The following SPECC1 variants were observed in gnomAD, a reference collection of about 807,000 sequenced individuals.
SPECC1 encodes the protein sperm antigen with calponin homology and coiled-coil domains 1, also known as cytospin-B.
A neutral mutation model predicts 104.1 loss-of-function variants in SPECC1; 62 were observed. The ratio of observed to expected loss-of-function variants is 0.60; its 90% CI spans 0.49 to 0.74. SPECC1 has a LOEUF of 0.74. Ranked by LOEUF, SPECC1 falls within the 30% of genes least tolerant of loss-of-function variation. The probability of loss-of-function intolerance (pLI) is 0.00; values close to 1 mark genes in which losing one functional copy is unlikely to be tolerated. For synonymous variants in SPECC1, 513 were observed against 501.6 expected (o/e 1.02, Z -0.30); for missense variants, 1,306 against 1,310.5 (o/e 1.00, Z 0.05).
chr17:20,045,635 C>T (rs2045509072), intron 1 of SPECC1, among the ~76,000 whole-genome samples: 1 of 152,160 alleles, frequency 6.6e-6, no homozygotes. Context: ...GATGGTGTGA[C>T]CCTTCCAGGG....
chr17:20,100,189 C>A (rs376523117), intron 2 of SPECC1, among the ~76,000 whole-genome samples: 4 of 152,132 alleles, frequency 2.6e-5, no homozygotes, highest in African/African-American at 9.7e-5. Flanking sequence ...CCTGTCCTCT[C>A]CAGGCCTGAT....
intron 12 of SPECC1, among the ~76,000 whole-genome samples, chr17:20,291,946 T>A (rs145880280): frequency 6.7e-6 from 1 of 149,818 alleles, no homozygotes; most frequent in East Asian, 2.0e-4. Flanking sequence ...TCCGTCAGCA[T>A]TGCTCTTGGG....
rs531518714 is a variant in SPECC1 at position 20,181,418 on chromosome 17, G to A, written c.284-22915G>A. Among the ~76,000 whole-genome samples, 5 of 152,132 alleles carry A rather than the reference G, an allele frequency of 3.3e-5. No individual in the cohort carries two copies. The East Asian group carries it at 9.6e-4, about 29-fold the overall frequency. ...TTAAAGGAAAAAGGAAAAAGTATTAGCAAAGAAGAATCCATTGTTATAGGT... is the reference window on the plus strand; with the variant it reads ...TTAAAGGAAAAAGGAAAAAGTATTAACAAAGAAGAATCCATTGTTATAGGT... On this transcript the variant is annotated intron_variant, in intron 3 of 14. Transcript: ENST00000395527.
intron 12 of SPECC1, among the ~76,000 whole-genome samples, chr17:20,278,497 C>A (rs183934501): frequency 6.6e-6 from 1 of 152,314 alleles, no homozygotes; most frequent in Admixed American, 6.5e-5. Context: ...ATTCCTACAA[C>A]ATGCAGGAGA....
At chr17:20,041,268 T>A (rs538156526) in intron 1 of SPECC1, among the ~76,000 whole-genome samples, 137 of 152,314 alleles carry the variant, frequency 9.0e-4, no homozygotes, top group Non-Finnish European at 7.9e-4. Flanking sequence ...GGAGTTTTGC[T>A]CTTGTTGCCC....
chr17:20,145,785 A>C (rs183653883), intron 3 of SPECC1, among the ~76,000 whole-genome samples: 21 of 152,320 alleles, frequency 1.4e-4, no homozygotes, highest in South Asian at 2.1e-4. Flanking sequence ...GGCAGGCAGG[A>C]AGGAAGGAAG....
chr17:20,013,809 T>C (rs1266560551), intron 1 of SPECC1, among the ~76,000 whole-genome samples: 1 of 152,212 alleles, frequency 6.6e-6, no homozygotes, highest in Non-Finnish European at 1.5e-5. Context: ...AGCTGGTTCA[T>C]TTCATTCTCA....
intron 3 of SPECC1, among the ~76,000 whole-genome samples, chr17:20,194,502 A>ATTTTTTTTTTTTTTTTTTTTTTTTTTTT (rs1209589252): frequency 9.2e-5 from 8 of 86,566 alleles, no homozygotes; most frequent in South Asian, 4.2e-4. Context: ...AAGAGAACGA[A>ATTTTTTTTTTTTTTTTTTTTTTTTTTTT]TTTTTTTTTT....
At chr17:20,083,150 C>G (rs1049350589) in intron 1 of SPECC1, among the ~76,000 whole-genome samples, 1 of 152,170 alleles carries the variant, frequency 6.6e-6, no homozygotes, top group African/African-American at 2.4e-5. Context: ...AACAAAATTT[C>G]TGAACACTTC....
chr17:20,198,831 C>T (rs1314390999), intron 3 of SPECC1, among the ~76,000 whole-genome samples: 4 of 152,182 alleles, frequency 2.6e-5, no homozygotes, highest in African/African-American at 7.2e-5. Context: ...CTTTCTCTTC[C>T]TCTTTGGTTT....
intron 1 of SPECC1, among the ~76,000 whole-genome samples, chr17:20,042,157 T>A (rs2045356052): frequency 6.6e-6 from 1 of 152,206 alleles, no homozygotes; most frequent in Admixed American, 6.5e-5. Flanking sequence ...AAGGGGGACA[T>A]CAGCTTGTTA....
intron 8 of SPECC1, 144 bp from the exon 9 acceptor site, chr17:20,247,075 A>G: frequency 3.7e-6 from 2 of 547,718 alleles, no homozygotes; most frequent in Non-Finnish European, 3.2e-6. Context: ...TCTAGTCCGG[A>G]GAAGAAAAGG....
chr17:20,205,001 G>A lies in SPECC1; in HGVS notation c.952G>A (p.Asp318Asn), dbSNP rs1441056738. The A allele has an allele frequency of 1.3e-5, 21 of 1,614,014 alleles. No individual in the cohort carries two copies. Among genetic ancestry groups the A allele is most frequent in the East Asian group, 8.9e-5 (4 of 44,894 alleles). ...ALRTSGSSSS[D>N]VTKASLSPDA... ...ACGGACATCAGGCTCCTCAAGTAGC[G>A]ATGTTACCAAAGCTTCTTTGTCGCC... The change falls in exon 4 of 15, where the codon GAT (aspartate) becomes AAT (asparagine). Residue 318 changes from aspartate (D) to asparagine (N), a missense_variant. Asp to Asn is a conservative substitution (Grantham distance 23, BLOSUM62 1). This residue lies in a region of SPECC1 where 1,177 missense variants were observed against 1,139.9 expected (regional missense o/e 1.03). Transcript: ENST00000395527.
chr17:20,274,507 CTTTTTTTT>C (rs1162367833), intron 12 of SPECC1, among the ~76,000 whole-genome samples: 3 of 131,464 alleles, frequency 2.3e-5, no homozygotes, highest in East Asian at 4.5e-4. Context: ...TTTCTTTTTT[CTTTTTTTT>C]TTTTTTTTTT....
At chr17:20,076,940 AG>A (rs1375715223) in intron 1 of SPECC1, among the ~76,000 whole-genome samples, 1 of 152,328 alleles carries the variant, frequency 6.6e-6, no homozygotes, top group Non-Finnish European at 1.5e-5. Flanking sequence ...TAATACAGCT[AG>A]GCTGAACATT....
At chr17:20,115,687 A>G (rs2048721116) in intron 3 of SPECC1, among the ~76,000 whole-genome samples, 1 of 152,214 alleles carries the variant, frequency 6.6e-6, no homozygotes, top group African/African-American at 2.4e-5. Flanking sequence ...ATCTCTATAG[A>G]TACAGAACAT....
intron 12 of SPECC1, among the ~76,000 whole-genome samples, chr17:20,296,633 T>C (rs956003059): frequency 1.5e-4 from 23 of 152,358 alleles, no homozygotes; most frequent in African/African-American, 5.5e-4. Context: ...TTTCATGATA[T>C]TGATTCTTCC....
chr17:20,288,103 T>G (rs748265852), intron 12 of SPECC1, among the ~76,000 whole-genome samples: 29 of 152,220 alleles, frequency 1.9e-4, no homozygotes, highest in Non-Finnish European at 4.0e-4. Context: ...TCCAGCTCCA[T>G]CCATGTCCCT....
intron 3 of SPECC1, among the ~76,000 whole-genome samples, chr17:20,125,269 T>G (rs1328328646): frequency 6.6e-6 from 1 of 152,214 alleles, no homozygotes; most frequent in Non-Finnish European, 1.5e-5. Flanking sequence ...GCAGAATGGT[T>G]GTCTGGGCAC....
Sources: allele counts gnomAD v4.1 joint callset (sites outside exome capture counted in the v4.1 genomes callset), GRCh38; gene constraint gnomAD v4.1.1; regional missense constraint gnomAD v4.1.1; transcripts MANE v1.5; gene names NCBI Gene and HGNC (gene_info 2026-07-23, HGNC 2026-07-21).